SORCS3: variants seen among roughly 807,000 people sequenced by gnomAD.
SORCS3 encodes the protein sortilin related VPS10 domain containing receptor 3.
SORCS3 carries 57 observed loss-of-function variants against 146.3 expected under a neutral mutation model. That is an observed-to-expected ratio of 0.39 (90% CI 0.31 to 0.49). The LOEUF is 0.49. SORCS3 is among the 20% of genes least tolerant of loss of function. The pLI is 0.92. For missense variants in SORCS3, 1,341 were observed against 1,575.5 expected, an observed-to-expected ratio of 0.85 and a Z score of 2.52; for synonymous variants, 653 against 618.5, an observed-to-expected ratio of 1.06 and a Z score of -0.83.
intron 3 of SORCS3, among the ~76,000 whole-genome samples, chr10:104,917,225 C>T (rs773734354): frequency 2.0e-5 from 3 of 152,100 alleles, no homozygotes; most frequent in Non-Finnish European, 4.4e-5. Flanking sequence ...TGAGTAGTTT[C>T]TTTTTTCTTT....
chr10:104,875,208 GTGT>G (rs2018559306), intron 2 of SORCS3, among the ~76,000 whole-genome samples: 1 of 152,180 alleles, frequency 6.6e-6, no homozygotes, highest in Non-Finnish European at 1.5e-5. Flanking sequence ...CAAGCCAAGA[GTGT>G]TGTTTGACCA....
chr10:104,811,435 G>T (rs1471404053), intron 1 of SORCS3, among the ~76,000 whole-genome samples: 1 of 152,234 alleles, frequency 6.6e-6, no homozygotes, highest in African/African-American at 2.4e-5. Context: ...ACTCCTCACA[G>T]TTGCCTGGTG....
At chr10:105,065,945 A>T (rs2133722116) in intron 5 of SORCS3, among the ~76,000 whole-genome samples, 1 of 152,326 alleles carries the variant, frequency 6.6e-6, no homozygotes, top group African/African-American at 2.4e-5. Flanking sequence ...AATAAAAACG[A>T]TTTAAACTTT....
At chr10:104,870,637 A>G (rs2018509724) in intron 2 of SORCS3, among the ~76,000 whole-genome samples, 1 of 152,180 alleles carries the variant, frequency 6.6e-6, no homozygotes, top group African/African-American at 2.4e-5. Flanking sequence ...CTGCGAGGGT[A>G]GACCTCAGGA....
chr10:104,686,751 G>T (rs12766925), intron 1 of SORCS3, among the ~76,000 whole-genome samples: 62,167 of 151,822 alleles, frequency 0.41, 14,285 homozygotes, highest in Middle Eastern at 0.65. Flanking sequence ...AGGATCCTGG[G>T]AGGAGCCCTG....
intron 2 of SORCS3, among the ~76,000 whole-genome samples, chr10:104,871,362 G>A (rs1262433353): frequency 6.6e-6 from 1 of 152,188 alleles, no homozygotes; most frequent in Non-Finnish European, 1.5e-5. Flanking sequence ...AACTAAACTA[G>A]GAGTGCAAAC....
In SORCS3 at chr10:105,110,183, TAA is replaced by T. The variant is rs1397064682; in HGVS notation, c.1212+4669_1212+4670del. Reference sequence around the variant, plus strand: ...TTTTTTTCTTTTTCCTGTTTTTGTTTAACTTCTTTTCTGAGCTTTGCCAGTTT... The same window carrying T: ...TTTTTTTCTTTTTCCTGTTTTTGTTTCTTCTTTTCTGAGCTTTGCCAGTTT... On this transcript the variant is annotated intron_variant, in intron 7 of 26. Transcript: ENST00000369701. 2.3e-3 allele frequency among the ~76,000 whole-genome samples: 347 copies of T among 152,210 alleles called. 1 individual carries two copies. The highest frequency in any genetic ancestry group is 7.8e-3 in the African/African-American group (326 of 41,568).
At chr10:105,064,904 G>A (rs889066064) in intron 5 of SORCS3, among the ~76,000 whole-genome samples, 2 of 152,118 alleles carry the variant, frequency 1.3e-5, no homozygotes, top group South Asian at 4.1e-4. Flanking sequence ...AGAAATAATA[G>A]TTTACCAATT....
rs1434295489 is a variant in SORCS3 at position 105,214,511 on chromosome 10, G to A, written c.2445G>A (p.Met815Ile). 12 of 1,614,200 alleles carry A rather than the reference G, an allele frequency of 7.4e-6. No individual in the cohort carries two copies. The highest frequency in any genetic ancestry group is 1.3e-5 in the African/African-American group (1 of 75,074). The stretch of plus-strand genomic sequence containing the variant: ...AGAAGTACACCGCCAAGGCCCAGAT[G>A]TGCCCTGGAAAAGCCCCTCGGGGCC... ...LREKYTAKAQMCPGKAPRGLH... is the reference protein window; with the variant it reads ...LREKYTAKAQICPGKAPRGLH... Residue 815 changes from methionine (M) to isoleucine (I), a missense_variant, in exon 18 of 27, where the codon ATG becomes ATA. Coordinates refer to ENST00000369701, the MANE Select transcript of SORCS3 (RefSeq NM_014978.3).
At chr10:104,899,371 G>A (rs1218762724) in intron 2 of SORCS3, among the ~76,000 whole-genome samples, 5 of 152,240 alleles carry the variant, frequency 3.3e-5, no homozygotes, top group Non-Finnish European at 5.9e-5. Flanking sequence ...GAATAACATC[G>A]CAGGTAGGCT....
intron 7 of SORCS3, among the ~76,000 whole-genome samples, chr10:105,135,868 A>G (rs2056055584): frequency 6.6e-6 from 1 of 152,176 alleles, no homozygotes. Flanking sequence ...CTATATTTCT[A>G]CAAGTATTCT....
intron 1 of SORCS3, among the ~76,000 whole-genome samples, chr10:104,773,467 A>G (rs2017274643): frequency 1.3e-5 from 2 of 152,214 alleles, no homozygotes; most frequent in African/African-American, 4.8e-5. Context: ...GAATATTTAC[A>G]CTATGGAAAT....
intron 1 of SORCS3, among the ~76,000 whole-genome samples, chr10:104,729,936 C>A (rs2016687155): frequency 6.6e-6 from 1 of 152,154 alleles, no homozygotes; most frequent in Non-Finnish European, 1.5e-5. Context: ...CCTCAGTTTT[C>A]TTATCAGTAA....
chr10:104,779,542 G>T (rs1274576190), intron 1 of SORCS3, among the ~76,000 whole-genome samples: 2 of 152,216 alleles, frequency 1.3e-5, no homozygotes, highest in African/African-American at 4.8e-5. Flanking sequence ...CATCCAGGGG[G>T]ACTCCACGGA....
chr10:105,216,915 G>A (rs764343568), intron 18 of SORCS3, 21 bp from the exon 19 acceptor site: 81 of 1,613,502 alleles, frequency 5.0e-5, no homozygotes, highest in African/African-American at 1.2e-4. Flanking sequence ...AAATTGACCC[G>A]TCTGCTATGC....
intron 5 of SORCS3, among the ~76,000 whole-genome samples, chr10:105,052,437 C>T (rs531422469): frequency 5.9e-5 from 9 of 152,262 alleles, no homozygotes; most frequent in South Asian, 4.1e-4. Flanking sequence ...ATACTCATTT[C>T]GCTCAGAAAT....
chr10:105,249,753 G>T (rs909435541), intron 22 of SORCS3, among the ~76,000 whole-genome samples: 6 of 152,078 alleles, frequency 3.9e-5, no homozygotes, highest in African/African-American at 1.4e-4. Context: ...GGGCATGGTG[G>T]TGCATGCTGG....
chr10:104,739,037 A>T (rs550427190), intron 1 of SORCS3, among the ~76,000 whole-genome samples: 1 of 152,294 alleles, frequency 6.6e-6, no homozygotes, highest in African/African-American at 2.4e-5. Context: ...TCTGCAAGTC[A>T]TTAGAAAACA....
chr10:104,957,556 C>A (rs898185398), intron 3 of SORCS3, among the ~76,000 whole-genome samples: 1 of 148,758 alleles, frequency 6.7e-6, no homozygotes, highest in African/African-American at 2.5e-5. Flanking sequence ...GGAAAGAAAA[C>A]ACACACACAC....
Sources: allele counts gnomAD v4.1 joint callset (sites outside exome capture counted in the v4.1 genomes callset), GRCh38; gene constraint gnomAD v4.1.1; transcripts MANE v1.5; gene names NCBI Gene and HGNC (gene_info 2026-07-23, HGNC 2026-07-21).